The following ARHGEF4 variants were observed in gnomAD, a reference collection of about 807,000 sequenced individuals.
ARHGEF4 encodes Rho guanine nucleotide exchange factor 4.
ARHGEF4 carries 119 observed loss-of-function variants against 162.0 expected under a neutral mutation model. The observed-to-expected ratio is 0.73, with a 90% CI of 0.63 to 0.86. The LOEUF (loss-of-function observed/expected upper bound fraction) is 0.86. Among genes scored for constraint, ARHGEF4 ranks in the 40% least tolerant of loss-of-function variants. The pLI is 0.00. For synonymous variants in ARHGEF4, 1,014 were observed against 979.9 expected (o/e 1.03, Z -0.65); for missense variants, 2,488 against 2,456.0 (o/e 1.01, Z -0.28).
intron 4 of ARHGEF4, among the ~76,000 whole-genome samples, chr2:130,978,863 A>T (rs1240787715): frequency 6.6e-6 from 1 of 152,228 alleles, no homozygotes; most frequent in African/African-American, 2.4e-5. Flanking sequence ...AGTTCAGTCC[A>T]TGCAGTCACC....
chr2:130,974,550 C>T (rs528840438), intron 4 of ARHGEF4, among the ~76,000 whole-genome samples: 114 of 151,746 alleles, frequency 7.5e-4, no homozygotes, highest in Non-Finnish European at 1.4e-3. Context: ...TAGGCTCAAG[C>T]GATCCTCCCA....
intron 5 of ARHGEF4, among the ~76,000 whole-genome samples, chr2:131,037,117 C>T (rs1690353399): frequency 1.3e-5 from 2 of 152,190 alleles, no homozygotes; most frequent in African/African-American, 4.8e-5. Flanking sequence ...CCTGGGACCC[C>T]GTGGAGGCCT....
intron 1 of ARHGEF4, among the ~76,000 whole-genome samples, chr2:130,842,685 C>T (rs536212962): frequency 7.2e-5 from 11 of 152,310 alleles, no homozygotes; most frequent in Admixed American, 4.6e-4. Flanking sequence ...ACATCTTCCA[C>T]GTGGTAATGT....
At chr2:130,895,198 G>T (rs377579942) in intron 1 of ARHGEF4, among the ~76,000 whole-genome samples, 1 of 152,142 alleles carries the variant, frequency 6.6e-6, no homozygotes, top group African/African-American at 2.4e-5. Context: ...GTGGCCTTTG[G>T]TGTGTGGCTG....
intron 4 of ARHGEF4, among the ~76,000 whole-genome samples, chr2:130,987,126 A>T (rs143485441): frequency 6.6e-6 from 1 of 152,340 alleles, no homozygotes; most frequent in Non-Finnish European, 1.5e-5. Flanking sequence ...CTGCAGGGCC[A>T]GGGAGCAGAG....
chr2:130,982,055 G>A (rs1686156058), intron 4 of ARHGEF4, among the ~76,000 whole-genome samples: 3 of 152,120 alleles, frequency 2.0e-5, no homozygotes, highest in South Asian at 4.1e-4. Context: ...CTGGAGTGCA[G>A]TGGCATTGTG....
intron 1 of ARHGEF4, among the ~76,000 whole-genome samples, chr2:130,847,199 C>T (rs1233364919): frequency 6.6e-6 from 1 of 152,248 alleles, no homozygotes; most frequent in Non-Finnish European, 1.5e-5. Context: ...TACCCTTCCC[C>T]TCCCAGGAAT....
intron 1 of ARHGEF4, among the ~76,000 whole-genome samples, chr2:130,852,275 A>G (rs979017655): frequency 5.9e-5 from 9 of 152,314 alleles, no homozygotes; most frequent in Non-Finnish European, 1.0e-4. Flanking sequence ...TGACCAGGGC[A>G]TGGCTGGTGT....
At chr2:130,929,479 T>G (rs1157867253) in intron 2 of ARHGEF4, among the ~76,000 whole-genome samples, 1 of 152,204 alleles carries the variant, frequency 6.6e-6, no homozygotes, top group African/African-American at 2.4e-5. Context: ...TAGAAAATTC[T>G]TATGCAAAAT....
chr2:131,000,432 A>C (rs1456396937), intron 4 of ARHGEF4, among the ~76,000 whole-genome samples: 1 of 152,166 alleles, frequency 6.6e-6, no homozygotes, highest in East Asian at 1.9e-4. Context: ...TTTGGAATCA[A>C]GATTGCACTA....
At chr2:130,907,815 G>C (rs1295622664) in intron 1 of ARHGEF4, among the ~76,000 whole-genome samples, 2 of 151,850 alleles carry the variant, frequency 1.3e-5, no homozygotes, top group African/African-American at 4.8e-5. Context: ...AATTAGCCAG[G>C]CGTGGTGGCA....
Position 130,916,107 on chromosome 2 carries a change from G to C in ARHGEF4, c.2161G>C (p.Ala721Pro), listed in dbSNP as rs924454795. Reference sequence around the variant, plus strand: ...GCTTGGGAGAGTGCTGGTCCCCCAAGCTGCTTCGGAAGAGACGCCGAGCAC... The same window carrying C: ...GCTTGGGAGAGTGCTGGTCCCCCAACCTGCTTCGGAAGAGACGCCGAGCAC... ...AELGRVLVPQAASEETPSTEE... is the reference protein window; with the variant it reads ...AELGRVLVPQPASEETPSTEE... The change falls in exon 2 of 14, where the codon GCT (alanine) becomes CCT (proline). Residue 721 changes from alanine (A) to proline (P), a missense_variant. By Grantham distance (27) the Ala-to-Pro change is conservative (BLOSUM62 -1). Coordinates refer to ENST00000409359, the MANE Select transcript of ARHGEF4 (RefSeq NM_001367493.1). The C allele has an allele frequency of 1.9e-6, 3 of 1,549,960 alleles. No homozygotes were observed. The highest frequency in any genetic ancestry group is 2.6e-6 in the Non-Finnish European group (3 of 1,146,932).
chr2:130,941,194 C>T (rs955760238), intron 3 of ARHGEF4, among the ~76,000 whole-genome samples: 2 of 136,646 alleles, frequency 1.5e-5, no homozygotes, highest in Admixed American at 8.3e-5. Context: ...CCCACACAGC[C>T]GAAAATCCAT....
At chr2:130,999,354 T>TA (rs1553438753) in intron 4 of ARHGEF4, among the ~76,000 whole-genome samples, 16 of 151,714 alleles carry the variant, frequency 1.1e-4, no homozygotes, top group African/African-American at 3.9e-4. Context: ...GACGGGGTTT[T>TA]ACCATGTTAG....
At chr2:131,045,800 T>C (rs996966299) in intron 13 of ARHGEF4, 1 of 1,428,222 alleles carries the variant, frequency 7.0e-7, no homozygotes, top group Non-Finnish European at 9.1e-7. Context: ...TCACATGCCT[T>C]TGCACAGGCC....
At chr2:130,992,476 C>T (rs972274785) in intron 4 of ARHGEF4, among the ~76,000 whole-genome samples, 1 of 151,734 alleles carries the variant, frequency 6.6e-6, no homozygotes, top group Admixed American at 6.6e-5. Flanking sequence ...GATGCGCTGC[C>T]TTAAGAGCTG....
At chr2:130,903,022 T>G (rs1021004900) in intron 1 of ARHGEF4, among the ~76,000 whole-genome samples, 4 of 152,184 alleles carry the variant, frequency 2.6e-5, no homozygotes, top group African/African-American at 9.6e-5. Flanking sequence ...CTGCCTTTTC[T>G]ATATTGCTTT....
chr2:130,992,870 G>A (rs1027091108), intron 4 of ARHGEF4, among the ~76,000 whole-genome samples: 1 of 152,162 alleles, frequency 6.6e-6, no homozygotes. Context: ...GATAACATGA[G>A]GCCAGGGATT....
At chr2:130,899,047 A>T (rs1205991520) in intron 1 of ARHGEF4, among the ~76,000 whole-genome samples, 2 of 152,174 alleles carry the variant, frequency 1.3e-5, no homozygotes, top group East Asian at 1.9e-4. Context: ...GCAAGGAAGC[A>T]TCAGCCCTTT....
Sources: gnomAD v4.1 joint callset for allele counts (sites outside exome capture counted in the v4.1 genomes callset) on GRCh38, gnomAD v4.1.1 for gene constraint, MANE v1.5 for transcripts, NCBI Gene and HGNC (gene_info 2026-07-23, HGNC 2026-07-21) for gene names.